Variants in SYCP1 observed in about 807,000 individuals in gnomAD.
The protein encoded by SYCP1 is cancer/testis antigen 8.
SYCP1 carries 64 observed loss-of-function variants against 153.1 expected under a neutral mutation model. The observed-to-expected ratio is 0.42, with a 90% confidence interval of 0.34 to 0.51. SYCP1 has a LOEUF of 0.51. Among genes scored for constraint, SYCP1 ranks in the 20% least tolerant of loss-of-function variants. SYCP1 has a pLI of 0.06. For synonymous variants in SYCP1, 384 were observed against 341.8 expected (o/e 1.12, Z -1.36); for missense variants, 997 against 1,049.0 (o/e 0.95, Z 0.68).
chr1:114,857,185 GA>G, intron 3 of SYCP1, 46 bp from the exon 4 acceptor site: 2 of 670,540 alleles, frequency 3.0e-6, no homozygotes, highest in Non-Finnish European at 4.5e-6. Flanking sequence ...AAAAGAAAGA[GA>G]AAAAGATGTT....
chr1:114,877,796 T>C (rs1437472217), intron 11 of SYCP1, among the ~76,000 whole-genome samples: 1 of 152,182 alleles, frequency 6.6e-6, no homozygotes, highest in Admixed American at 6.5e-5. Context: ...ACAGACTGAA[T>C]CTTACCATTA....
intron 30 of SYCP1, among the ~76,000 whole-genome samples, chr1:114,992,673 T>C (rs1488280537): frequency 6.6e-6 from 1 of 151,550 alleles, no homozygotes; most frequent in Non-Finnish European, 1.5e-5. Context: ...GAGCTAAAAC[T>C]ATAAAACTAT....
At chr1:114,897,529 A>T (rs1257936395) in intron 16 of SYCP1, among the ~76,000 whole-genome samples, 2 of 152,156 alleles carry the variant, frequency 1.3e-5, no homozygotes, top group East Asian at 3.9e-4. Context: ...CCTTCCCCTG[A>T]GCCCAATCCT....
At chr1:114,859,191 G>T (rs360616) in intron 6 of SYCP1, among the ~76,000 whole-genome samples, 60,369 of 151,998 alleles carry the variant, frequency 0.4, 12,973 homozygotes, top group East Asian at 0.49. Flanking sequence ...TGGTTCAAGC[G>T]ATTCTTCTGC....
At chr1:114,987,313 G>A (rs993284608) in intron 30 of SYCP1, among the ~76,000 whole-genome samples, 6 of 151,856 alleles carry the variant, frequency 4.0e-5, no homozygotes, top group Non-Finnish European at 8.8e-5. Context: ...AGAAAATCCC[G>A]GGGAAGAGGG....
intron 23 of SYCP1, among the ~76,000 whole-genome samples, chr1:114,929,375 G>A (rs1669480530): frequency 6.6e-6 from 1 of 151,850 alleles, no homozygotes; most frequent in Non-Finnish European, 1.5e-5. Context: ...AATGTGAATG[G>A]ACAAATGTTT....
chr1:114,863,328 C>T (rs767280559), intron 8 of SYCP1, among the ~76,000 whole-genome samples: 51 of 152,038 alleles, frequency 3.4e-4, no homozygotes, highest in Non-Finnish European at 5.6e-4. Flanking sequence ...CCGAAGCAGG[C>T]AGATCACGAG....
intron 12 of SYCP1, among the ~76,000 whole-genome samples, chr1:114,881,851 G>T (rs1001298820): frequency 6.6e-6 from 1 of 151,996 alleles, no homozygotes; most frequent in African/African-American, 2.4e-5. Context: ...TCTCTTATGG[G>T]TTTTCAGATT....
intron 8 of SYCP1, among the ~76,000 whole-genome samples, chr1:114,870,972 TTTAA>T (rs1665073182): frequency 6.6e-6 from 1 of 152,168 alleles, no homozygotes; most frequent in African/African-American, 2.4e-5. Context: ...TATTTGTGGT[TTTAA>T]TTGAGCATTT....
intron 23 of SYCP1, among the ~76,000 whole-genome samples, chr1:114,932,922 T>G (rs554063636): frequency 2.0e-5 from 3 of 152,190 alleles, no homozygotes; most frequent in African/African-American, 7.2e-5. Context: ...TGGAACCCAC[T>G]ACAGCTCAAG....
chr1:114,939,800 G>GAACT (rs143971275), intron 23 of SYCP1, among the ~76,000 whole-genome samples: 9,270 of 152,238 alleles, frequency 0.061, 321 homozygotes, highest in Middle Eastern at 0.14. Flanking sequence ...CATTGAAGTT[G>GAACT]AACTCATCGA....
At chr1:114,896,090 C>T (rs1236004501) in intron 16 of SYCP1, among the ~76,000 whole-genome samples, 1 of 152,072 alleles carries the variant, frequency 6.6e-6, no homozygotes, top group Non-Finnish European at 1.5e-5. Flanking sequence ...AATATAAAAA[C>T]CATTCCTAGC....
intron 15 of SYCP1, among the ~76,000 whole-genome samples, chr1:114,893,942 C>G (rs1422280813): frequency 6.6e-6 from 1 of 151,308 alleles, no homozygotes; most frequent in Non-Finnish European, 1.5e-5. Context: ...TTCCACATAG[C>G]CTTCATTGAA....
chr1:114,915,587 C>A (rs360575), intron 20 of SYCP1, among the ~76,000 whole-genome samples: 70,471 of 152,044 alleles, frequency 0.46, 17,436 homozygotes, highest in Non-Finnish European at 0.55. Context: ...GGTGTCAAAG[C>A]CACTTTCTGG....
chr1:114,975,880 G>A (rs1672765649), intron 27 of SYCP1, among the ~76,000 whole-genome samples: 1 of 151,738 alleles, frequency 6.6e-6, no homozygotes, highest in South Asian at 2.1e-4. Context: ...CTGTGACTCT[G>A]TGGTCAGAAC....
intron 16 of SYCP1, among the ~76,000 whole-genome samples, chr1:114,902,214 G>A (rs1320620971): frequency 6.6e-6 from 1 of 152,192 alleles, no homozygotes; most frequent in African/African-American, 2.4e-5. Flanking sequence ...GGGAGCAATG[G>A]GAGTAGGGGT....
intron 15 of SYCP1, among the ~76,000 whole-genome samples, chr1:114,892,174 A>G (rs910935649): frequency 1.1e-4 from 16 of 151,982 alleles, no homozygotes; most frequent in Admixed American, 3.3e-4. Context: ...GGGAGCAGAG[A>G]TAGTCCTCGT....
intron 27 of SYCP1, among the ~76,000 whole-genome samples, chr1:114,970,511 G>GTT (rs566449119): frequency 2.2e-3 from 316 of 143,078 alleles, no homozygotes; most frequent in African/African-American, 7.6e-3. Flanking sequence ...TACCAGAATT[G>GTT]TTTTTTTTTT....
intron 27 of SYCP1, among the ~76,000 whole-genome samples, chr1:114,956,209 G>C (rs1671423262): frequency 6.6e-6 from 1 of 152,148 alleles, no homozygotes; most frequent in Admixed American, 6.5e-5. Flanking sequence ...CTAACAAGAT[G>C]GGCTCTCCAG....
Sources: gnomAD v4.1 joint callset for allele counts (sites outside exome capture counted in the v4.1 genomes callset) on GRCh38, gnomAD v4.1.1 for gene constraint, MANE v1.5 for transcripts, NCBI Gene and HGNC (gene_info 2026-07-23, HGNC 2026-07-21) for gene names.